STKLD1: variants seen among roughly 807,000 people sequenced by gnomAD.
STKLD1 encodes the protein serine/threonine kinase like domain containing 1, also known as serine/threonine kinase-like domain-containing protein STKLD1.
STKLD1 carries 79 observed loss-of-function variants against 80.4 expected under a neutral mutation model. The ratio of observed to expected loss-of-function variants is 0.98; its 90% CI spans 0.82 to 1.19. The LOEUF (loss-of-function observed/expected upper bound fraction) is 1.19, where lower values mean the gene tolerates loss of function less well. STKLD1 is among the 50% of genes most tolerant of loss of function. STKLD1 has a pLI of 0.00. For missense variants in STKLD1, 841 were observed against 856.0 expected (o/e 0.98, Z 0.22); for synonymous variants, 393 against 357.6 (o/e 1.10, Z -1.12).
At chr9:133,405,169 T>C (rs35179461) in intron 17 of STKLD1, 83 bp from the exon 18 acceptor site, 125,189 of 1,486,190 alleles carry the variant, frequency 0.084, 6,010 homozygotes, top group African/African-American at 0.18. Context: ...AGGGGGAATG[T>C]GACCCACTCT....
chr9:133,379,150 G>A (rs2130259808), intron 2 of STKLD1, 28 bp downstream of exon 2: 1 of 1,597,356 alleles, frequency 6.3e-7, no homozygotes, highest in Non-Finnish European at 8.6e-7. Context: ...TGCATCCCAT[G>A]CCGGGTGGTT....
chr9:133,391,445 T>C (rs908898755), intron 7 of STKLD1, among the ~76,000 whole-genome samples: 3 of 151,214 alleles, frequency 2.0e-5, no homozygotes, highest in Non-Finnish European at 3.0e-5. Flanking sequence ...GGGGAAAAGA[T>C]TGAGAAATCG....
chr9:133,400,600 C>A, intron 12 of STKLD1, 71 bp downstream of exon 12: 1 of 1,299,960 alleles, frequency 7.7e-7, no homozygotes, highest in Admixed American at 1.7e-5. Context: ...GCCTCCTGGG[C>A]CAAGGTGGGC....
intron 12 of STKLD1, among the ~76,000 whole-genome samples, chr9:133,401,143 CTTTTT>C (rs5901013): frequency 1.4e-5 from 2 of 138,002 alleles, no homozygotes; most frequent in South Asian, 4.5e-4. Flanking sequence ...TATTTAGTTA[CTTTTT>C]TTTTTTTTTT....
chr9:133,403,927 CAAG>C lies in STKLD1; in HGVS notation c.1612_1614del (p.Lys538del). The C allele has an allele frequency of 6.2e-7, 1 of 1,606,476 alleles. No individual in the cohort carries two copies. On this transcript the variant is annotated inframe_deletion, in exon 16 of 18. Coordinates refer to ENST00000371957, the MANE Select transcript of STKLD1 (RefSeq NM_153710.5). ...CCCGGCCCCTTTCTGCAGGCTGCAT[CAAG>C]GAGCAGCAGTTTGAACAAGTGGTGG...
intron 11 of STKLD1, among the ~76,000 whole-genome samples, chr9:133,399,734 C>G (rs983630194): frequency 6.6e-6 from 1 of 152,176 alleles, no homozygotes; most frequent in East Asian, 1.9e-4. Context: ...CAAAAATTAG[C>G]CAGACGTGGT....
chr9:133,405,978 G>A lies in STKLD1; in HGVS notation c.*557G>A, dbSNP rs981366817. 6.5e-6 allele frequency: 1 copy of A among 153,036 alleles called. No individual in the cohort carries two copies. Among genetic ancestry groups the A allele is most frequent in the Non-Finnish European group, 1.5e-5 (1 of 68,670 alleles). The allele number at this position is 153,036 out of a possible 1,614,324, so 9.5% of individuals were successfully genotyped here. On this transcript the variant is annotated 3_prime_UTR_variant, in exon 18 of 18. Transcript: ENST00000371957. Reference sequence around the variant, plus strand: ...GGCCAGTGGGATACTTAATTCTGCAGTCTCTATAGACCTCGCCCCTGGACA... The same window carrying A: ...GGCCAGTGGGATACTTAATTCTGCAATCTCTATAGACCTCGCCCCTGGACA...
rs2130256702 is a variant in STKLD1, at chr9:133,378,082, C to T, written c.88-954C>T. On this transcript the variant is annotated intron_variant, in intron 1 of 17. Transcript: ENST00000371957. ...GGGTGGTAATGCGAGCCATGGGGAG[C>T]GGCTGTAAATACAGATGAAGCTTTG... is the stretch of plus-strand genomic sequence containing the variant. Among the ~76,000 whole-genome samples, 124 of 152,252 alleles carry T rather than the reference C, an allele frequency of 8.1e-4. 2 individuals carry two copies. Among genetic ancestry groups the T allele is most frequent in the Admixed American group, 3.9e-4 (6 of 15,294 alleles).
chr9:133,387,011 A>T (rs1319623687), intron 4 of STKLD1, among the ~76,000 whole-genome samples: 1 of 152,176 alleles, frequency 6.6e-6, no homozygotes, highest in African/African-American at 2.4e-5. Flanking sequence ...CCAAGAGGAC[A>T]TTTCCCTATG....
At position 133,404,151 on chromosome 9, in the gene STKLD1, A is replaced by G. The variant is rs1588759434; in HGVS notation, c.1732+103A>G. ...TGCCACAAACCAAAAAACAGAAGCA[A>G]CAAATCAAAAAGGAAAAGAAATTAA... On this transcript the variant is annotated intron_variant, in intron 16 of 17. Transcript: ENST00000371957. 1.2e-5 allele frequency: 16 copies of G among 1,387,816 alleles called. No individual in the cohort carries two copies. In the East Asian group the frequency reaches 3.9e-4, roughly 34 times the overall value. 86.0% of individuals were successfully genotyped at this position (1,387,816 alleles called of 1,614,324 possible). A position where few individuals can be genotyped will look rare whatever the true frequency, so the allele number is the denominator to read the frequency against.
At position 133,397,173 on chromosome 9, in the gene STKLD1, G is replaced by T; in HGVS notation, c.876G>T (p.Val292=). The T allele has an allele frequency of 6.2e-7, 1 of 1,613,978 alleles. No homozygotes were observed. Among genetic ancestry groups the T allele is most frequent in the South Asian group, 1.1e-5 (1 of 91,080 alleles). The stretch of plus-strand genomic sequence containing the variant: ...TCTGCTCCTCTGCTAGGGACGTGGT[G>T]CACATCACCTTCTTGAGAGGCTCCT... ...PSDRITIKDV[V]HITFLRGSFK... Residue 292 remains valine, a synonymous_variant, in exon 10 of 18, where the codon GTG becomes GTT. Transcript: ENST00000371957.
At chr9:133,400,347 TG>T in intron 11 of STKLD1, 65 bp from the exon 12 acceptor site, 1 of 1,215,638 alleles carries the variant, frequency 8.2e-7, no homozygotes. Flanking sequence ...CTGGGGGCCC[TG>T]GTCGGGTCTA....
In STKLD1 at chr9:133,383,906, T is replaced by C. The variant is rs2130271445; in HGVS notation, c.219+6T>C. Reference sequence around the variant, plus strand: ...CCAGTCAGGCCCTGGAGGAGGTAACTCTCAGGGTAGTTTTCCCTCTGGAAG... The same window carrying C: ...CCAGTCAGGCCCTGGAGGAGGTAACCCTCAGGGTAGTTTTCCCTCTGGAAG... On this transcript the variant is annotated splice_donor_region_variant and intron_variant, in intron 3 of 17. Coordinates refer to ENST00000371957, the MANE Select transcript of STKLD1 (RefSeq NM_153710.5). 6 of 1,613,662 alleles carry C rather than the reference T, an allele frequency of 3.7e-6. No individual in the cohort carries two copies. In the African/African-American group the frequency reaches 8.0e-5, roughly 22 times the overall value.
At position 133,385,766 on chromosome 9, in the gene STKLD1, C is replaced by G; in HGVS notation, c.294+75C>G. The G allele has an allele frequency of 7.4e-7, 1 of 1,355,936 alleles. No homozygotes were observed. Among genetic ancestry groups the G allele is most frequent in the South Asian group, 1.2e-5 (1 of 83,740 alleles). The allele number at this position is 1,355,936 out of a possible 1,614,324, so 84.0% of individuals were successfully genotyped here. A position where few individuals can be genotyped will look rare whatever the true frequency, so the allele number is the denominator to read the frequency against. ...AGGACCAAGCAGACTGAGCCCAGAG[C>G]ACGCCCACCCCCCACTGTCAGAATA... On this transcript the variant is annotated intron_variant, in intron 4 of 17. Coordinates refer to ENST00000371957, the MANE Select transcript of STKLD1 (RefSeq NM_153710.5). The surrounding 1 kb of genome is among the most constrained non-coding windows in gnomAD (Gnocchi z 4.9).
chr9:133,405,041 C>A, intron 17 of STKLD1, 112 bp downstream of exon 17: 1 of 1,463,848 alleles, frequency 6.8e-7, no homozygotes, highest in Non-Finnish European at 9.3e-7. Context: ...AACCCCACTT[C>A]TCGGCCCACT....
chr9:133,394,764 G>GA lies in STKLD1; in HGVS notation c.702+355_702+356insA. 3 of 285,278 alleles carry GA rather than the reference G, an allele frequency of 1.1e-5. No homozygotes were observed. Among genetic ancestry groups the GA allele is most frequent in the South Asian group, 4.7e-5 (1 of 21,120 alleles). 17.7% of individuals were successfully genotyped at this position (285,278 alleles called of 1,614,324 possible). ...CGGAGTTGCAAGCAACGGGAACCCA[G>GA]TGTGGGCCTGAACACACCTGGCTGT... On this transcript the variant is annotated intron_variant, in intron 8 of 17. Transcript: ENST00000371957. The surrounding 1 kb of genome is among the most constrained non-coding windows in gnomAD (Gnocchi z 4.9).
At chr9:133,386,794 G>A (rs1357419708) in intron 4 of STKLD1, among the ~76,000 whole-genome samples, 1 of 152,240 alleles carries the variant, frequency 6.6e-6, no homozygotes, top group Non-Finnish European at 1.5e-5. Flanking sequence ...GGTAAAGAGA[G>A]GCTGAGAAGC....
chr9:133,393,512 T>G lies in STKLD1; in HGVS notation c.584-779T>G, dbSNP rs1479342598. Among the ~76,000 whole-genome samples the G allele has an allele frequency of 5.2e-5, 7 of 133,904 alleles. No homozygotes were observed. The East Asian group carries it at 1.3e-3, about 25-fold the overall frequency. 87.8% of individuals were successfully genotyped at this position (133,904 alleles called of 152,430 possible). A position where few individuals can be genotyped will look rare whatever the true frequency, so the allele number is the denominator to read the frequency against. On this transcript the variant is annotated intron_variant, in intron 7 of 17. Transcript: ENST00000371957. ...GTGGGTGGGTGCATGTGGATGGATG[T>G]GTGGGTGGGTAGGTGTATGGATGAA...
chr9:133,398,845 T>TTTTGTTTG (rs782721343), intron 11 of STKLD1, among the ~76,000 whole-genome samples: 5 of 151,826 alleles, frequency 3.3e-5, no homozygotes, highest in Non-Finnish European at 5.9e-5. Flanking sequence ...TTTTTTTTGT[T>TTTTGTTTG]TTTGTTTGTT....
Sources: allele counts gnomAD v4.1 joint callset (sites outside exome capture counted in the v4.1 genomes callset), GRCh38; gene constraint gnomAD v4.1.1; non-coding constraint Gnocchi (gnomAD v3.1); transcripts MANE v1.5; gene names NCBI Gene and HGNC (gene_info 2026-07-23, HGNC 2026-07-21).